Variants in CADM2 observed in about 807,000 individuals in gnomAD.
CADM2 encodes the protein cell adhesion molecule 2.
In CADM2, 12 loss-of-function variants were observed where a neutral mutation model predicts 49.8. That is an observed-to-expected ratio of 0.24 (90% CI 0.15 to 0.39). CADM2 has a LOEUF of 0.39. CADM2 is among the 10% of genes least tolerant of loss of function. The pLI, the probability that CADM2 is intolerant of heterozygous loss-of-function variation, is 1.00. For missense variants in CADM2, 378 were observed against 492.3 expected, an observed-to-expected ratio of 0.77 and a Z score of 2.20; for synonymous variants, 214 against 175.4, an observed-to-expected ratio of 1.22 and a Z score of -1.74.
chr3:85,215,642 C>T (rs1398507730), intron 1 of CADM2, among the ~76,000 whole-genome samples: 2 of 151,974 alleles, frequency 1.3e-5, no homozygotes, highest in South Asian at 2.1e-4. Flanking sequence ...CAGTACAGCA[C>T]CAGGAATTGC....
At chr3:84,999,785 C>T (rs1423355032) in intron 1 of CADM2, among the ~76,000 whole-genome samples, 1 of 151,984 alleles carries the variant, frequency 6.6e-6, no homozygotes, top group Admixed American at 6.6e-5. Context: ...GGCAAATTTG[C>T]AAATACAGAA....
At chr3:85,353,512 T>C (rs1053900911) in intron 1 of CADM2, among the ~76,000 whole-genome samples, 1 of 151,958 alleles carries the variant, frequency 6.6e-6, no homozygotes, top group African/African-American at 2.4e-5. Flanking sequence ...AATTATATTT[T>C]TTCTGTTCCT....
intron 1 of CADM2, among the ~76,000 whole-genome samples, chr3:85,095,474 CAATTGTAT>C (rs1559658117): frequency 6.6e-6 from 1 of 152,092 alleles, no homozygotes; most frequent in Non-Finnish European, 1.5e-5. Context: ...ACCTCTGGCT[CAATTGTAT>C]AATTGGTTAT....
chr3:85,856,172 C>T (rs1024000694), intron 3 of CADM2, among the ~76,000 whole-genome samples: 3 of 152,062 alleles, frequency 2.0e-5, no homozygotes, highest in South Asian at 2.1e-4. Context: ...ATAAACATAG[C>T]GTATTTATTC....
chr3:85,575,230 A>T (rs930663321), intron 1 of CADM2, among the ~76,000 whole-genome samples: 1 of 152,186 alleles, frequency 6.6e-6, no homozygotes, highest in African/African-American at 2.4e-5. Flanking sequence ...TTCAATGAAA[A>T]TGCATGAACT....
At chr3:85,979,700 A>G (rs1727240714) in intron 8 of CADM2, among the ~76,000 whole-genome samples, 1 of 151,662 alleles carries the variant, frequency 6.6e-6, no homozygotes. Flanking sequence ...ATGTTAAAAT[A>G]TCTATAGTTT....
chr3:85,413,010 G>A (rs958763846), intron 1 of CADM2, among the ~76,000 whole-genome samples: 9 of 151,024 alleles, frequency 6.0e-5, no homozygotes, highest in South Asian at 2.1e-4. Context: ...GCGAGGTGGC[G>A]GGCGCCTGTA....
chr3:85,835,755 A>G (rs944087833), intron 3 of CADM2, among the ~76,000 whole-genome samples: 4 of 122,446 alleles, frequency 3.3e-5, no homozygotes, highest in African/African-American at 1.2e-4. Context: ...TGTATATAAT[A>G]TATAATATAA....
At chr3:85,087,538 G>T (rs968272180) in intron 1 of CADM2, among the ~76,000 whole-genome samples, 2 of 152,062 alleles carry the variant, frequency 1.3e-5, no homozygotes, top group Non-Finnish European at 2.9e-5. Flanking sequence ...CCCACATTCA[G>T]TTTATTTCGA....
intron 1 of CADM2, among the ~76,000 whole-genome samples, chr3:85,494,003 G>T (rs1440315984): frequency 6.6e-6 from 1 of 152,224 alleles, no homozygotes; most frequent in African/African-American, 2.4e-5. Context: ...TTATGGCCTA[G>T]AAATGCCACG....
intron 1 of CADM2, among the ~76,000 whole-genome samples, chr3:85,017,695 A>G (rs1371891296): frequency 1.3e-5 from 2 of 152,194 alleles, no homozygotes; most frequent in Non-Finnish European, 2.9e-5. Context: ...CTCTATAGCT[A>G]AAATTGAAGA....
At chr3:85,003,788 G>GTAT (rs2033590678) in intron 1 of CADM2, among the ~76,000 whole-genome samples, 1 of 151,988 alleles carries the variant, frequency 6.6e-6, no homozygotes, top group East Asian at 1.9e-4. Context: ...TATTTTTAAA[G>GTAT]TATTAGTCCT....
At chr3:85,998,826 C>T (rs1729758170) in intron 8 of CADM2, among the ~76,000 whole-genome samples, 1 of 151,812 alleles carries the variant, frequency 6.6e-6, no homozygotes, top group African/African-American at 2.4e-5. Context: ...AGACAGTGGC[C>T]AAAGGCATGG....
chr3:85,412,651 T>G (rs1313745676), intron 1 of CADM2, among the ~76,000 whole-genome samples: 1 of 152,082 alleles, frequency 6.6e-6, no homozygotes, highest in Non-Finnish European at 1.5e-5. Flanking sequence ...TAATAAAGAT[T>G]AGGAGTATCC....
At chr3:85,538,832 A>G (rs1291641439) in intron 1 of CADM2, among the ~76,000 whole-genome samples, 4 of 152,134 alleles carry the variant, frequency 2.6e-5, no homozygotes, top group Middle Eastern at 3.2e-3. Flanking sequence ...GGGATACAGG[A>G]AAGAGTGCCT....
In CADM2 at chr3:86,044,026, G is replaced by T. The variant is rs1578044926; in HGVS notation, c.971-21579G>T. On this transcript the variant is annotated intron_variant, in intron 8 of 9. Coordinates refer to ENST00000383699, the MANE Select transcript of CADM2 (RefSeq NM_001167675.2). Reference sequence around the variant, plus strand: ...TAGCCATATGTAGAAAGCTGAAACTGGATCCCTTCCTTACACCTTATACAA... The same window carrying T: ...TAGCCATATGTAGAAAGCTGAAACTTGATCCCTTCCTTACACCTTATACAA... Among the ~76,000 whole-genome samples the T allele has an allele frequency of 2.0e-5, 3 of 152,238 alleles. 1 individual carries two copies. In the South Asian group the frequency reaches 6.2e-4, roughly 32 times the overall value.
intron 1 of CADM2, among the ~76,000 whole-genome samples, chr3:85,629,878 T>C (rs928031976): frequency 6.6e-6 from 1 of 152,018 alleles, no homozygotes; most frequent in Non-Finnish European, 1.5e-5. Context: ...AATTTTTTCA[T>C]GTATAAAATG....
intron 7 of CADM2, among the ~76,000 whole-genome samples, chr3:85,947,582 A>T (rs1722902894): frequency 6.6e-6 from 1 of 151,580 alleles, no homozygotes; most frequent in Non-Finnish European, 1.5e-5. Context: ...CCTTTCCATA[A>T]TGAGTTTCTT....
At chr3:86,066,194 A>C (rs1225907228) in intron 9 of CADM2, among the ~76,000 whole-genome samples, 3 of 151,872 alleles carry the variant, frequency 2.0e-5, no homozygotes, top group Non-Finnish European at 4.4e-5. Flanking sequence ...GACCGTTTTT[A>C]AGATCTTAAC....
Sources: allele counts gnomAD v4.1 joint callset (sites outside exome capture counted in the v4.1 genomes callset), GRCh38; gene constraint gnomAD v4.1.1; transcripts MANE v1.5; gene names NCBI Gene and HGNC (gene_info 2026-07-23, HGNC 2026-07-21).